The following LRRC37A2 variants were observed in gnomAD, a reference collection of about 807,000 sequenced individuals.
The protein encoded by LRRC37A2 is leucine-rich repeat-containing protein 37A2.
Under a neutral mutation model 68.8 loss-of-function variants are expected in LRRC37A2, and 9 were observed. That is an observed-to-expected ratio of 0.13 (90% CI 0.08 to 0.23). LRRC37A2 has a LOEUF of 0.23. Among genes scored for constraint, LRRC37A2 ranks in the 10% least tolerant of loss-of-function variants. The pLI, the probability that LRRC37A2 is intolerant of heterozygous loss-of-function variation, is 1.00. For synonymous variants in LRRC37A2, 63 were observed against 367.6 expected, an observed-to-expected ratio of 0.17 and a Z score of 9.48; for missense variants, 168 against 950.4, an observed-to-expected ratio of 0.18 and a Z score of 10.82.
At chr17:46,871,224 C>T in the LRRC37A2 span, among the ~76,000 whole-genome samples, 1 of 152,104 alleles carries the variant, frequency 6.6e-6, no homozygotes, top group East Asian at 1.9e-4. Flanking sequence ...GATCTTTTAC[C>T]CTGGCTATGA....
chr17:46,586,379 G>GTC, the LRRC37A2 span, among the ~76,000 whole-genome samples: 1 of 18,318 alleles, frequency 5.5e-5, no homozygotes, highest in African/African-American at 6.5e-5. Context: ...GTCTCTCTCT[G>GTC]TCACACACAC....
the LRRC37A2 span, among the ~76,000 whole-genome samples, chr17:46,783,860 T>C: frequency 1.3e-5 from 2 of 152,180 alleles, no homozygotes; most frequent in Non-Finnish European, 2.9e-5. Context: ...AAAGGGGCCC[T>C]GAGTGCCAGA....
chr17:46,883,476 G>A, the LRRC37A2 span, among the ~76,000 whole-genome samples: 10 of 151,606 alleles, frequency 6.6e-5, no homozygotes, highest in African/African-American at 2.4e-4. Context: ...GTAGAGACGG[G>A]GTTTCACCAT....
At chr17:46,934,851 T>C in the LRRC37A2 span, among the ~76,000 whole-genome samples, 1 of 152,222 alleles carries the variant, frequency 6.6e-6, no homozygotes, top group Non-Finnish European at 1.5e-5. Context: ...TCCTCTTCTG[T>C]GTGGACAGAG....
At chr17:46,907,906 AG>A in the LRRC37A2 span, among the ~76,000 whole-genome samples, 1 of 152,026 alleles carries the variant, frequency 6.6e-6, no homozygotes, top group Non-Finnish European at 1.5e-5. Context: ...GCAGACAAAA[AG>A]GCCCCATCAA....
At chr17:46,774,779 A>C in the LRRC37A2 span, among the ~76,000 whole-genome samples, 1 of 152,238 alleles carries the variant, frequency 6.6e-6, no homozygotes, top group Non-Finnish European at 1.5e-5. Flanking sequence ...TAGAAAACCA[A>C]GGTAGGAATT....
chr17:46,757,821 C>G, the LRRC37A2 span, among the ~76,000 whole-genome samples: 8 of 151,948 alleles, frequency 5.3e-5, no homozygotes, highest in Non-Finnish European at 5.9e-5. Flanking sequence ...TGGTGAAACC[C>G]TGTCTCTACT....
chr17:46,771,107 T>A, the LRRC37A2 span, among the ~76,000 whole-genome samples: 2 of 152,164 alleles, frequency 1.3e-5, no homozygotes, highest in Admixed American at 1.3e-4. Flanking sequence ...CCGGGACCCC[T>A]CTTGGCTCCC....
intron 6 of LRRC37A2, among the ~76,000 whole-genome samples, chr17:46,525,548 T>C (rs2052591767): frequency 9.0e-6 from 1 of 110,818 alleles, no homozygotes; most frequent in Admixed American, 8.7e-5. Context: ...GATGGCACCA[T>C]TGCACTCCAG....
the LRRC37A2 span, among the ~76,000 whole-genome samples, chr17:46,740,660 T>A: frequency 1.3e-5 from 2 of 151,660 alleles, no homozygotes; most frequent in Non-Finnish European, 2.9e-5. Context: ...CTTTATCTTT[T>A]TCTTTTTTTT....
the LRRC37A2 span, chr17:46,963,866 G>C: frequency 1.3e-5 from 2 of 152,136 alleles, no homozygotes; most frequent in South Asian, 4.2e-4. Flanking sequence ...GCCCAGGCTG[G>C]AGTGCAATAG....
At chr17:46,492,647 C>G in the LRRC37A2 span, among the ~76,000 whole-genome samples, 1 of 147,598 alleles carries the variant, frequency 6.8e-6, no homozygotes, top group Non-Finnish European at 1.5e-5. Context: ...TCCGGTTGCT[C>G]TGTATCCTCC....
chr17:46,820,490 CGGAG>C, the LRRC37A2 span, among the ~76,000 whole-genome samples: 1 of 151,664 alleles, frequency 6.6e-6, no homozygotes, highest in African/African-American at 2.4e-5. Context: ...AGGGGGGAGG[CGGAG>C]AGCACCAAGG....
the LRRC37A2 span, among the ~76,000 whole-genome samples, chr17:46,785,619 C>T: frequency 6.6e-6 from 1 of 152,236 alleles, no homozygotes; most frequent in Non-Finnish European, 1.5e-5. Flanking sequence ...CCTTTCAGGG[C>T]CACGAGGGGC....
the LRRC37A2 span, chr17:46,923,189 C>G: frequency 2.6e-6 from 4 of 1,542,144 alleles, no homozygotes; most frequent in Non-Finnish European, 3.5e-6. Context: ...GCGGGGCCGG[C>G]GACATGGATC....
the LRRC37A2 span, among the ~76,000 whole-genome samples, chr17:47,005,109 C>A: frequency 6.6e-6 from 1 of 152,188 alleles, no homozygotes; most frequent in Non-Finnish European, 1.5e-5. Flanking sequence ...ACATCTCACC[C>A]CAACAGTTTC....
the LRRC37A2 span, among the ~76,000 whole-genome samples, chr17:46,906,420 T>G: frequency 1.3e-5 from 2 of 152,200 alleles, no homozygotes; most frequent in East Asian, 3.8e-4. Context: ...TTTTAAAAAT[T>G]AAATTAAATT....
the LRRC37A2 span, chr17:46,909,741 G>A: frequency 6.6e-6 from 1 of 152,222 alleles, no homozygotes; most frequent in African/African-American, 2.4e-5. Flanking sequence ...GTAAACTTGT[G>A]TCAGATATTA....
At chr17:46,794,397 C>A in the LRRC37A2 span, among the ~76,000 whole-genome samples, 4 of 152,096 alleles carry the variant, frequency 2.6e-5, no homozygotes, top group African/African-American at 9.7e-5. Flanking sequence ...CTGGATCCCC[C>A]GACAGGACCT....
Sources: gnomAD v4.1 joint callset for allele counts (sites outside exome capture counted in the v4.1 genomes callset) on GRCh38, gnomAD v4.1.1 for gene constraint, MANE v1.5 for transcripts, NCBI Gene and HGNC (gene_info 2026-07-23, HGNC 2026-07-21) for gene names.